The following DNAAF9 variants were observed in gnomAD, a reference collection of about 807,000 sequenced individuals.
DNAAF9 encodes shulin.
A neutral mutation model predicts 167.0 loss-of-function variants in DNAAF9; 90 were observed. The ratio of observed to expected loss-of-function variants is 0.54; its 90% CI spans 0.45 to 0.64. The LOEUF is 0.64. Ranked by LOEUF, DNAAF9 falls within the 30% of genes least tolerant of loss-of-function variation. The pLI, the probability that DNAAF9 is intolerant of heterozygous loss-of-function variation, is 0.00. For synonymous variants in DNAAF9, 491 were observed against 508.8 expected, an observed-to-expected ratio of 0.96 and a Z score of 0.47; for missense variants, 1,315 against 1,442.2, an observed-to-expected ratio of 0.91 and a Z score of 1.43.
intron 21 of DNAAF9, among the ~76,000 whole-genome samples, chr20:3,302,426 T>C (rs2069206738): frequency 6.6e-6 from 1 of 152,186 alleles, no homozygotes; most frequent in Non-Finnish European, 1.5e-5. Flanking sequence ...GAACACCTTA[T>C]TGTTGACTGC....
intron 21 of DNAAF9, among the ~76,000 whole-genome samples, chr20:3,301,480 G>A (rs1037079579): frequency 3.9e-5 from 6 of 152,092 alleles, no homozygotes; most frequent in Non-Finnish European, 8.8e-5. Context: ...GAGCCACCAC[G>A]CCCAGCCCCT....
intron 2 of DNAAF9, 129 bp from the exon 3 acceptor site, chr20:3,381,627 A>G: frequency 1.2e-6 from 1 of 812,716 alleles, no homozygotes; most frequent in Non-Finnish European, 1.8e-6. Context: ...GTTTTGTGCC[A>G]GAAACCAAGC....
At chr20:3,325,643 A>G (rs1428016068) in intron 13 of DNAAF9, among the ~76,000 whole-genome samples, 1 of 152,178 alleles carries the variant, frequency 6.6e-6, no homozygotes, top group Admixed American at 6.5e-5. Context: ...GGAGGCATCA[A>G]GCTGACTCTT....
intron 25 of DNAAF9, among the ~76,000 whole-genome samples, chr20:3,290,481 T>G (rs2068931156): frequency 6.6e-6 from 1 of 152,194 alleles, no homozygotes; most frequent in Non-Finnish European, 1.5e-5. Context: ...CTAGTTTAAT[T>G]TTTACTAGAG....
chr20:3,315,064 A>G lies in DNAAF9; in HGVS notation c.1647T>C (p.Tyr549=). ...YLTGGEGAYL[Y]SSNLQSWPEE... ...CAGGCCAGGACTGTAGATTGCTGGAATAAAGATATGCTCCTTCTCCTCCTG... is the reference window on the plus strand; with the variant it reads ...CAGGCCAGGACTGTAGATTGCTGGAGTAAAGATATGCTCCTTCTCCTCCTG... The change falls in exon 20 of 37, where the codon TAT becomes TAC. Residue 549 remains tyrosine (Y), a synonymous_variant. Coordinates refer to ENST00000252032, the MANE Select transcript of DNAAF9 (RefSeq NM_001009984.3). This position sits in a 1 kb window ranked among gnomAD's most constrained non-coding sequence, Gnocchi z 4.1. 6.2e-7 allele frequency: 1 copy of G among 1,611,604 alleles called. No individual in the cohort carries two copies. The highest frequency in any genetic ancestry group is 1.7e-4 in the Middle Eastern group (1 of 6,054).
intron 18 of DNAAF9, chr20:3,316,098 A>C: frequency 2.4e-6 from 1 of 424,858 alleles, no homozygotes; most frequent in Non-Finnish European, 4.2e-6. Context: ...GGATGAAGCA[A>C]AGATAATGTA....
At chr20:3,341,563 A>T (rs2070086047) in intron 9 of DNAAF9, among the ~76,000 whole-genome samples, 1 of 152,156 alleles carries the variant, frequency 6.6e-6, no homozygotes. Flanking sequence ...CAGCCATCTG[A>T]AAGGCCTCCT....
At position 3,407,531 on chromosome 20, in the gene DNAAF9, C is replaced by T. The variant is rs1204562617; in HGVS notation, c.27G>A (p.Gln9=). 1 of 1,260,334 alleles carries T rather than the reference C, an allele frequency of 7.9e-7. No individual in the cohort carries two copies. The highest frequency in any genetic ancestry group is 9.9e-7 in the Non-Finnish European group (1 of 1,006,656). 78.1% of individuals were successfully genotyped at this position (1,260,334 alleles called of 1,614,324 possible). The change falls in exon 1 of 37, where the codon CAG becomes CAA. Residue 9 remains glutamine (Q), a synonymous_variant. Transcript: ENST00000252032. MDVYPPRR[Q]GLPRARSPGG... ...CAGGGGACCGAGCGCGGGGCAGCCC[C>T]TGCCGGCGCGGGGGGTACACGTCCA...
chr20:3,284,796 C>A (rs1208511185), intron 27 of DNAAF9, among the ~76,000 whole-genome samples: 1 of 152,052 alleles, frequency 6.6e-6, no homozygotes, highest in Non-Finnish European at 1.5e-5. Flanking sequence ...AGTATAAATA[C>A]AGCCCCTCAA....
intron 10 of DNAAF9, among the ~76,000 whole-genome samples, chr20:3,332,900 GGTGTGTGTGTGT>G (rs3082550): frequency 0.02 from 2,981 of 146,932 alleles, 40 homozygotes; most frequent in Non-Finnish European, 0.03. Context: ...GTGTGCGTGT[GGTGTGTGTGTGT>G]GTGTGTGTGT....
chr20:3,252,414 G>A lies in DNAAF9; in HGVS notation c.*158C>T, dbSNP rs529163309. The A allele has an allele frequency of 6.0e-5, 36 of 596,490 alleles. No individual in the cohort carries two copies. Among genetic ancestry groups the A allele is most frequent in the African/African-American group, 4.8e-4 (26 of 53,636 alleles). The allele number at this position is 596,490 out of a possible 1,614,324, so 36.9% of individuals were successfully genotyped here. A position where few individuals can be genotyped will look rare whatever the true frequency, so the allele number is the denominator to read the frequency against. On this transcript the variant is annotated 3_prime_UTR_variant, in exon 37 of 37. Coordinates refer to ENST00000252032, the MANE Select transcript of DNAAF9 (RefSeq NM_001009984.3). ...AGGTGATGCTCTTCAGCGCTATACA[G>A]GGAATAAAGACAACATGCACTCAAG... is the stretch of plus-strand genomic sequence containing the variant.
At chr20:3,330,310 A>G (rs2069798504) in intron 12 of DNAAF9, among the ~76,000 whole-genome samples, 1 of 152,100 alleles carries the variant, frequency 6.6e-6, no homozygotes, top group African/African-American at 2.4e-5. Context: ...GTGCAATCAT[A>G]TAGCTCAGTG....
chr20:3,357,601 T>C (rs1198131484), intron 7 of DNAAF9, among the ~76,000 whole-genome samples: 1 of 151,234 alleles, frequency 6.6e-6, no homozygotes, highest in Non-Finnish European at 1.5e-5. Flanking sequence ...TACTTCTTTT[T>C]CCTAATCCCT....
intron 35 of DNAAF9, among the ~76,000 whole-genome samples, chr20:3,254,948 C>A (rs988938147): frequency 8.5e-5 from 13 of 152,198 alleles, no homozygotes; most frequent in African/African-American, 3.1e-4. Flanking sequence ...AACAAGGTGC[C>A]AAGGCAGGGC....
intron 1 of DNAAF9, among the ~76,000 whole-genome samples, chr20:3,406,607 G>A (rs2084058676): frequency 6.6e-6 from 1 of 152,144 alleles, no homozygotes; most frequent in Admixed American, 6.5e-5. Context: ...ATAGGGCACA[G>A]AAATCGGAAA....
In DNAAF9 at chr20:3,304,499, G is replaced by C. The variant is rs201930279; in HGVS notation, c.1723C>G (p.Arg575Gly). 1,122 of 1,520,720 alleles carry C rather than the reference G, an allele frequency of 7.4e-4. 1 individual carries two copies. The highest frequency in any genetic ancestry group is 9.8e-4 in the Non-Finnish European group (1,075 of 1,095,082). The allele number at this position is 1,520,720 out of a possible 1,614,324, so 94.2% of individuals were successfully genotyped here. ...TTGGAAATGATGATACTTCTATGAC[G>C]ACAGTGAGAAAACAGAAGGCCACTA... Reference protein sequence around the residue: ...FSSGLLFSHCRHRSIIISKDH... With the variant: ...FSSGLLFSHCGHRSIIISKDH... The change falls in exon 21 of 37, where the codon CGT becomes GGT. Residue 575 changes from arginine to glycine, a missense_variant. Arg to Gly is a moderately radical substitution (Grantham distance 125). Transcript: ENST00000252032.
At chr20:3,339,588 C>T (rs1437154145) in intron 10 of DNAAF9, among the ~76,000 whole-genome samples, 1 of 152,176 alleles carries the variant, frequency 6.6e-6, no homozygotes, top group Non-Finnish European at 1.5e-5. Flanking sequence ...TCAGCAGTAA[C>T]CCCCTATTAT....
At chr20:3,254,386 C>T (rs1211252731) in intron 35 of DNAAF9, among the ~76,000 whole-genome samples, 1 of 152,108 alleles carries the variant, frequency 6.6e-6, no homozygotes, top group East Asian at 1.9e-4. Context: ...GCCACAAACA[C>T]ACTCTTTATT....
chr20:3,315,203 C>G lies in DNAAF9; in HGVS notation c.1591-83G>C. ...AATATTCACAGAATCAAAAGTCCTG[C>G]CCAATTATGTCCGTCTACAAAAGCT... On this transcript the variant is annotated intron_variant, in intron 19 of 36. Transcript: ENST00000252032. The surrounding 1 kb of genome is among the most constrained non-coding windows in gnomAD (Gnocchi z 4.1). 1.2e-6 allele frequency: 1 copy of G among 864,132 alleles called. No individual in the cohort carries two copies. The highest frequency in any genetic ancestry group is 2.0e-6 in the Non-Finnish European group (1 of 509,836). The allele number at this position is 864,132 out of a possible 1,614,324, so 53.5% of individuals were successfully genotyped here.
Sources: gnomAD v4.1 joint callset for allele counts (sites outside exome capture counted in the v4.1 genomes callset) on GRCh38, gnomAD v4.1.1 for gene constraint, Gnocchi (gnomAD v3.1) non-coding constraint, MANE v1.5 for transcripts, NCBI Gene and HGNC (gene_info 2026-07-23, HGNC 2026-07-21) for gene names.